SMCO1: variants seen among roughly 807,000 people sequenced by gnomAD.
SMCO1 encodes single-pass membrane protein with coiled-coil domains 1.
In SMCO1, 9 loss-of-function variants were observed where a neutral mutation model predicts 7.5. That is an observed-to-expected ratio of 1.20 (90% CI 0.72 to 2.09). The LOEUF (loss-of-function observed/expected upper bound fraction) is 2.09. Ranked by LOEUF, SMCO1 falls within the 30% of genes most tolerant of loss-of-function variation. The pLI is 0.00. For synonymous variants in SMCO1, 90 were observed against 93.8 expected, an observed-to-expected ratio of 0.96 and a Z score of 0.23; for missense variants, 219 against 253.1, an observed-to-expected ratio of 0.87 and a Z score of 0.91.
At chr3:196,516,013 A>AAT, upstream of SMCO1, among the ~76,000 whole-genome samples, 1 of 95,350 alleles carries the variant, frequency 1.0e-5, no homozygotes, top group South Asian at 2.5e-4. Context: ...ATATATATAT[A>AAT]TATATATATA....
At position 196,507,842 on chromosome 3, in the gene SMCO1, A is replaced by G. The variant is rs560601943; in HGVS notation, c.*45T>C. On this transcript the variant is annotated 3_prime_UTR_variant, in exon 3 of 3. Coordinates refer to ENST00000397537, the MANE Select transcript of SMCO1 (RefSeq NM_001077657.3). ...TTGTGCATACTTTTTGCTGTTTCCA[A>G]GATAAATTACTGTAGGTGGAATCAC... 1.6e-6 allele frequency: 2 copies of G among 1,273,666 alleles called. No individual in the cohort carries two copies. The highest frequency in any genetic ancestry group is 1.5e-5 in the African/African-American group (1 of 66,622). 78.9% of individuals were successfully genotyped at this position (1,273,666 alleles called of 1,614,324 possible).
At chr3:196,511,205 C>T (rs1297560871) in intron 1 of SMCO1, among the ~76,000 whole-genome samples, 1 of 127,640 alleles carries the variant, frequency 7.8e-6, no homozygotes, top group African/African-American at 4.6e-5. Flanking sequence ...CCTAGATTGT[C>T]TTTATGAGGG....
rs1474769322 is a variant in SMCO1 at position 196,509,542 on chromosome 3, A to G, written c.178T>C (p.Trp60Arg). The change falls in exon 2 of 3, where the codon TGG becomes CGG. Residue 60 changes from tryptophan to arginine, a missense_variant. By Grantham distance (101) the Trp-to-Arg change is moderately radical. Coordinates refer to ENST00000397537, the MANE Select transcript of SMCO1 (RefSeq NM_001077657.3). ...LASQAAQDEM[W>R]TAVRALQLTS... is the part of the protein sequence containing the mutation. ...CACTGGAGTGCCCGAACTGCTGTCC[A>G]CATCTCATCTTGGGCTGCTTGGCTT... The G allele has an allele frequency of 5.6e-6, 9 of 1,613,990 alleles. No homozygotes were observed. The highest frequency in any genetic ancestry group is 7.6e-6 in the Non-Finnish European group (9 of 1,179,892).
intron 1 of SMCO1, among the ~76,000 whole-genome samples, chr3:196,514,905 G>A (rs937005607): frequency 6.6e-6 from 1 of 151,990 alleles, no homozygotes; most frequent in Non-Finnish European, 1.5e-5. Flanking sequence ...CCATGCCTGG[G>A]TAATTTTTGT....
At chr3:196,509,216 A>ATTTTTTTTTTT (rs35933912) in intron 2 of SMCO1, among the ~76,000 whole-genome samples, 2 of 108,012 alleles carry the variant, frequency 1.9e-5, no homozygotes, top group African/African-American at 3.7e-5. Flanking sequence ...CACCCGGCTA[A>ATTTTTTTTTTT]TTTTTTTTTT....
chr3:196,514,049 A>T (rs1179867109), intron 1 of SMCO1, among the ~76,000 whole-genome samples: 1 of 152,138 alleles, frequency 6.6e-6, no homozygotes, highest in Admixed American at 6.5e-5. Flanking sequence ...AGGACCCAAG[A>T]TTACCGTAGC....
At chr3:196,515,617 T>G (rs1368310191), upstream of SMCO1, among the ~76,000 whole-genome samples, 2 of 152,156 alleles carry the variant, frequency 1.3e-5, no homozygotes, top group African/African-American at 4.8e-5. Flanking sequence ...CATTATTCAA[T>G]TACAACCTAA....
upstream of SMCO1, among the ~76,000 whole-genome samples, chr3:196,516,029 A>G: frequency 8.6e-6 from 1 of 116,174 alleles, no homozygotes. Flanking sequence ...ATATATATAT[A>G]TAATTATATA....
chr3:196,508,384 A>G, intron 2 of SMCO1, 53 bp from the exon 3 acceptor site: 2 of 1,455,506 alleles, frequency 1.4e-6, no homozygotes, highest in Non-Finnish European at 1.8e-6. Flanking sequence ...TTATATAGAA[A>G]CAGAAAATGA....
chr3:196,514,523 T>C (rs531553782), intron 1 of SMCO1, among the ~76,000 whole-genome samples: 15 of 152,338 alleles, frequency 9.8e-5, no homozygotes, highest in Middle Eastern at 3.4e-3. Flanking sequence ...AACATCACCA[T>C]TGTAAGGTCA....
intron 1 of SMCO1, among the ~76,000 whole-genome samples, chr3:196,511,268 A>G (rs112785900): frequency 3.8e-4 from 54 of 141,778 alleles, no homozygotes; most frequent in Non-Finnish European, 5.7e-4. Context: ...TGCCTGGGCC[A>G]CCTAGATTGT....
In SMCO1 at chr3:196,515,290, G is replaced by T. The variant is rs556111938; in HGVS notation, c.-81C>A. On this transcript the variant is annotated 5_prime_UTR_variant, in exon 1 of 3. Coordinates refer to ENST00000397537, the MANE Select transcript of SMCO1 (RefSeq NM_001077657.3). ...AATGTTTGAATCCAGAATTTTCTGC[G>T]GTCTTCCTCTCAGCAACAGGCAGCA... The T allele has an allele frequency of 1.6e-5, 17 of 1,085,764 alleles. No homozygotes were observed. The South Asian group carries it at 2.2e-4, about 14-fold the overall frequency. 67.3% of individuals were successfully genotyped at this position (1,085,764 alleles called of 1,614,324 possible).
chr3:196,508,103 A>G lies in SMCO1; in HGVS notation c.429T>C (p.Phe143=), dbSNP rs745628847. The G allele has an allele frequency of 1.1e-5, 18 of 1,614,046 alleles. No individual in the cohort carries two copies. Among genetic ancestry groups the G allele is most frequent in the Non-Finnish European group, 1.4e-5 (17 of 1,180,028 alleles). Residue 143 remains phenylalanine, a synonymous_variant, in exon 3 of 3, where the codon TTT becomes TTC. Coordinates refer to ENST00000397537, the MANE Select transcript of SMCO1 (RefSeq NM_001077657.3). ...EGDITALCTF[F]IARGNKAEHY... ...GTTCTGCCTTGTTACCACGTGCAATAAAGAAGGTACAAAGTGCTGTGATGT... is the reference window on the plus strand; with the variant it reads ...GTTCTGCCTTGTTACCACGTGCAATGAAGAAGGTACAAAGTGCTGTGATGT...
At chr3:196,517,815 G>A (rs1156789502), upstream of SMCO1, among the ~76,000 whole-genome samples, 1 of 152,144 alleles carries the variant, frequency 6.6e-6, no homozygotes, top group Non-Finnish European at 1.5e-5. Flanking sequence ...GATTCCAGGT[G>A]TGTGCCACCA....
chr3:196,517,779 C>T (rs570476147), upstream of SMCO1, among the ~76,000 whole-genome samples: 4 of 152,282 alleles, frequency 2.6e-5, no homozygotes, highest in South Asian at 4.1e-4. Flanking sequence ...AAGCAGGTCT[C>T]CTGCCTCAGC....
At chr3:196,517,587 C>A (rs1234789837), upstream of SMCO1, among the ~76,000 whole-genome samples, 1 of 139,082 alleles carries the variant, frequency 7.2e-6, no homozygotes, top group Non-Finnish European at 1.5e-5. Context: ...AGCACCCCCC[C>A]ATACCTTTCC....
upstream of SMCO1, among the ~76,000 whole-genome samples, chr3:196,517,104 C>CAAA (rs56104987): frequency 4.8e-4 from 17 of 35,736 alleles, 2 homozygotes; most frequent in African/African-American, 1.3e-3. Flanking sequence ...GACTCCATCG[C>CAAA]AAAAAAAAAA....
At chr3:196,511,120 A>G (rs6807081) in intron 1 of SMCO1, among the ~76,000 whole-genome samples, 43,992 of 136,242 alleles carry the variant, frequency 0.32, 8,205 homozygotes, top group Middle Eastern at 0.47. Context: ...TGCCTGGGCC[A>G]CCTAGATTGT....
chr3:196,509,832 T>C (rs1177612873), intron 1 of SMCO1, among the ~76,000 whole-genome samples, 163 bp from the exon 2 acceptor site: 1 of 152,176 alleles, frequency 6.6e-6, no homozygotes, highest in African/African-American at 2.4e-5. Flanking sequence ...GGGTAGCTAT[T>C]TGAATTTGAA....
Sources: gnomAD v4.1 joint callset for allele counts (sites outside exome capture counted in the v4.1 genomes callset) on GRCh38, gnomAD v4.1.1 for gene constraint, MANE v1.5 for transcripts, NCBI Gene and HGNC (gene_info 2026-07-23, HGNC 2026-07-21) for gene names.